GTF2IRD1: variants seen among roughly 807,000 people sequenced by gnomAD.
The protein encoded by GTF2IRD1 is GTF2I repeat domain containing 1.
A neutral mutation model predicts 113.2 loss-of-function variants in GTF2IRD1; 26 were observed. That is an observed-to-expected ratio of 0.23 (90% confidence interval 0.17 to 0.32). The LOEUF (loss-of-function observed/expected upper bound fraction) is 0.32. Ranked by LOEUF, GTF2IRD1 falls within the 10% of genes least tolerant of loss-of-function variation. The pLI, the probability that GTF2IRD1 is intolerant of heterozygous loss-of-function variation, is 1.00. For synonymous variants in GTF2IRD1, 484 were observed against 529.1 expected (o/e 0.91, Z 1.17); for missense variants, 864 against 1,280.8 (o/e 0.67, Z 4.97).
At chr7:74,559,568 G>C in intron 21 of GTF2IRD1, 59 bp from the exon 22 acceptor site, 2 of 1,483,874 alleles carry the variant, frequency 1.3e-6, no homozygotes, top group Non-Finnish European at 1.8e-6. Context: ...AATCCCAGGG[G>C]TGTCTTCCTC....
chr7:74,539,854 G>C (rs201900909), intron 13 of GTF2IRD1, 25 bp from the exon 14 acceptor site: 2 of 1,549,730 alleles, frequency 1.3e-6, no homozygotes, highest in East Asian at 2.2e-5. Flanking sequence ...GAAGATACCC[G>C]TGTCATTCGG....
chr7:74,518,607 C>T (rs587734373), intron 5 of GTF2IRD1, among the ~76,000 whole-genome samples: 1 of 152,262 alleles, frequency 6.6e-6, no homozygotes. Context: ...TGGTCGGGTA[C>T]AGTAGCTCAT....
At chr7:74,496,812 G>A (rs868988142) in intron 1 of GTF2IRD1, among the ~76,000 whole-genome samples, 6 of 152,206 alleles carry the variant, frequency 3.9e-5, no homozygotes, top group Middle Eastern at 6.8e-3. Flanking sequence ...ACACTCGACA[G>A]TGGACAATGA....
chr7:74,596,673 G>C (rs1802435333), intron 25 of GTF2IRD1, among the ~76,000 whole-genome samples: 1 of 151,922 alleles, frequency 6.6e-6, no homozygotes, highest in Admixed American at 6.6e-5. Flanking sequence ...ACACTGATTG[G>C]CCAGGTGTGG....
At chr7:74,473,428 CT>C (rs1217283077) in intron 1 of GTF2IRD1, among the ~76,000 whole-genome samples, 581 of 141,176 alleles carry the variant, frequency 4.1e-3, no homozygotes, top group Admixed American at 4.2e-3. Flanking sequence ...CAGCTCAGGG[CT>C]TTTTTTTTTT....
Position 74,544,507 on chromosome 7 carries a change from C to T in GTF2IRD1, c.1619-248C>T, listed in dbSNP as rs114730611. Reference sequence around the variant, plus strand: ...AGCCGAGGACTTTGTCTTGTTCCCACGTGTCCTCAGTGTCTAGAACAGACT... The same window carrying T: ...AGCCGAGGACTTTGTCTTGTTCCCATGTGTCCTCAGTGTCTAGAACAGACT... On this transcript the variant is annotated intron_variant, in intron 14 of 26. Coordinates refer to ENST00000424337, the MANE Select transcript of GTF2IRD1 (RefSeq NM_005685.4). 4.6e-3 allele frequency among the ~76,000 whole-genome samples: 701 copies of T among 152,302 alleles called. 9 individuals are homozygous for T. Among genetic ancestry groups the T allele is most frequent in the African/African-American group, 0.015 (644 of 41,584 alleles).
chr7:74,566,420 G>A (rs923663128), intron 22 of GTF2IRD1, among the ~76,000 whole-genome samples: 3 of 152,122 alleles, frequency 2.0e-5, no homozygotes, highest in Non-Finnish European at 4.4e-5. Context: ...TCAACTCACC[G>A]TAACCTCCGC....
At chr7:74,576,047 G>C (rs1342217135) in intron 22 of GTF2IRD1, among the ~76,000 whole-genome samples, 1 of 151,940 alleles carries the variant, frequency 6.6e-6, no homozygotes. Flanking sequence ...TGTGGTCCCA[G>C]CTACTAGGGA....
At chr7:74,489,859 T>G (rs797040679) in intron 1 of GTF2IRD1, among the ~76,000 whole-genome samples, 8 of 152,308 alleles carry the variant, frequency 5.3e-5, no homozygotes, top group African/African-American at 1.9e-4. Context: ...CAGCAAAGTT[T>G]GTCCCATCTT....
At chr7:74,551,875 G>T (rs1284865871) in intron 17 of GTF2IRD1, among the ~76,000 whole-genome samples, 9 of 152,154 alleles carry the variant, frequency 5.9e-5, no homozygotes, top group African/African-American at 2.2e-4. Flanking sequence ...GGTGGAGGTT[G>T]CAGTGAGCCG....
intron 16 of GTF2IRD1, among the ~76,000 whole-genome samples, chr7:74,546,139 A>G (rs1226793317): frequency 2.6e-5 from 4 of 151,752 alleles, no homozygotes; most frequent in Non-Finnish European, 5.9e-5. Flanking sequence ...AGGGTCCTCA[A>G]GAAGACTCAT....
intron 22 of GTF2IRD1, among the ~76,000 whole-genome samples, chr7:74,578,650 C>G: frequency 6.6e-6 from 1 of 152,150 alleles, no homozygotes; most frequent in East Asian, 1.9e-4. Context: ...CCTCTCTCTC[C>G]CCTCCTTGGG....
chr7:74,514,501 C>T (rs1016954482), intron 3 of GTF2IRD1, among the ~76,000 whole-genome samples: 6 of 152,178 alleles, frequency 3.9e-5, no homozygotes, highest in Admixed American at 1.3e-4. Context: ...TTTCAAGCTC[C>T]GCAGATCCCA....
chr7:74,519,504 G>A lies in GTF2IRD1; in HGVS notation c.701G>A (p.Gly234Asp), dbSNP rs1554345396. 1 of 1,610,164 alleles carries A rather than the reference G, an allele frequency of 6.2e-7. No homozygotes were observed. Among genetic ancestry groups the A allele is most frequent in the East Asian group, 2.2e-5 (1 of 44,784 alleles). Reference protein sequence around the residue: ...PKGSRDCGLHGQAPKVPPQDL... With the variant: ...PKGSRDCGLHDQAPKVPPQDL... Reference sequence around the variant, plus strand: ...GGGTCACGGGACTGTGGCCTGCATGGCCAGGCCCCCAAGGTGCCACCCCAG... The same window carrying A: ...GGGTCACGGGACTGTGGCCTGCATGACCAGGCCCCCAAGGTGCCACCCCAG... The change falls in exon 6 of 27, where the codon GGC becomes GAC. Residue 234 changes from glycine (G) to aspartate (D), a missense_variant. By Grantham distance (94) the Gly-to-Asp change is moderately conservative. Coordinates refer to ENST00000424337, the MANE Select transcript of GTF2IRD1 (RefSeq NM_005685.4).
intron 15 of GTF2IRD1, 65 bp downstream of exon 15, chr7:74,544,867 C>T: frequency 7.5e-7 from 1 of 1,333,988 alleles, no homozygotes; most frequent in South Asian, 1.2e-5. Context: ...CCCCTGCCGC[C>T]CACCTCCCCT....
Position 74,459,844 on chromosome 7 carries a change from A to G in GTF2IRD1, c.-7+5668A>G, listed in dbSNP as rs549704999. Among the ~76,000 whole-genome samples, 1,285 of 151,982 alleles carry G rather than the reference A, an allele frequency of 8.5e-3. 29 individuals are homozygous for G. Among genetic ancestry groups the G allele is most frequent in the African/African-American group, 0.029 (1,192 of 41,432 alleles). ...TGCTGCCTCTGGGGCGGTGAGATGG[A>G]TGGGGTTTGGGGAGGGGCCAGAGGT... is the stretch of plus-strand genomic sequence containing the variant. On this transcript the variant is annotated intron_variant, in intron 1 of 26. Transcript: ENST00000424337.
At chr7:74,505,045 G>T (rs976137386) in intron 1 of GTF2IRD1, among the ~76,000 whole-genome samples, 16 of 151,030 alleles carry the variant, frequency 1.1e-4, no homozygotes, top group Non-Finnish European at 8.9e-5. Flanking sequence ...TAAAAGACAG[G>T]GTCTTGCTGT....
intron 22 of GTF2IRD1, among the ~76,000 whole-genome samples, chr7:74,573,417 G>T (rs1439177909): frequency 6.6e-6 from 1 of 150,488 alleles, no homozygotes; most frequent in Admixed American, 6.6e-5. Flanking sequence ...AAAAAAAAAC[G>T]ATTAAAATTT....
rs536474793 is a variant in GTF2IRD1, at chr7:74,495,300, G to A, written c.-6-12775G>A. 3.9e-5 allele frequency among the ~76,000 whole-genome samples: 6 copies of A among 152,296 alleles called. No individual in the cohort carries two copies. In the East Asian group the frequency reaches 7.7e-4, roughly 20 times the overall value. ...CTAGGACAGTCTCAGAGCATTTCCC[G>A]CTGGACAGCCCCAGAATCTGACTGC... On this transcript the variant is annotated intron_variant, in intron 1 of 26. Transcript: ENST00000424337.
Sources: gnomAD v4.1 joint callset for allele counts (sites outside exome capture counted in the v4.1 genomes callset) on GRCh38, gnomAD v4.1.1 for gene constraint, MANE v1.5 for transcripts, NCBI Gene and HGNC (gene_info 2026-07-23, HGNC 2026-07-21) for gene names.